The following BTBD8 variants were observed in gnomAD, a reference collection of about 807,000 sequenced individuals.
The protein encoded by BTBD8 is BTB domain containing 8.
BTBD8 carries 110 observed loss-of-function variants against 162.9 expected under a neutral mutation model. The ratio of observed to expected loss-of-function variants is 0.68; its 90% CI spans 0.58 to 0.79. The LOEUF (loss-of-function observed/expected upper bound fraction) is 0.79. Ranked by LOEUF, BTBD8 falls within the 30% of genes least tolerant of loss-of-function variation. The pLI, the probability that BTBD8 is intolerant of heterozygous loss-of-function variation, is 0.00. For missense variants in BTBD8, 1,905 were observed against 2,085.4 expected, an observed-to-expected ratio of 0.91 and a Z score of 1.68; for synonymous variants, 667 against 716.1, an observed-to-expected ratio of 0.93 and a Z score of 1.10.
intron 5 of BTBD8, 77 bp downstream of exon 5, chr1:92,129,853 C>A: frequency 1.7e-6 from 2 of 1,185,592 alleles, no homozygotes; most frequent in Non-Finnish European, 2.5e-6. Context: ...TTTTATGAAT[C>A]TGATTTCCCT....
chr1:92,094,955 A>G (rs1283762456), intron 2 of BTBD8, among the ~76,000 whole-genome samples: 8 of 152,212 alleles, frequency 5.3e-5, no homozygotes, highest in Admixed American at 2.0e-4. Flanking sequence ...CACATCCCTT[A>G]TACTACAAGG....
At chr1:92,142,654 T>C (rs1649805455) in intron 7 of BTBD8, among the ~76,000 whole-genome samples, 1 of 152,160 alleles carries the variant, frequency 6.6e-6, no homozygotes, top group African/African-American at 2.4e-5. Context: ...AGGAGGACCT[T>C]AATGGTTTCA....
intron 13 of BTBD8, among the ~76,000 whole-genome samples, chr1:92,175,601 C>T (rs1282478824): frequency 6.6e-6 from 1 of 151,388 alleles, no homozygotes; most frequent in African/African-American, 2.4e-5. Context: ...TCAAGATCAG[C>T]CTGGGCAACA....
chr1:92,129,772 CA>C lies in BTBD8; in HGVS notation c.750del (p.Gly251ValfsTer2). On this transcript the variant is annotated frameshift_variant, in exon 5 of 18. Transcript: ENST00000636805. LOFTEE classifies it high-confidence loss of function. ...AAGCTCCCAAGAGTACGTTACTCTT[CA>C]AGGGTAAGCATATTTTTACAGGGCC... ...AESSQEYVTL[Q>X]GISHVELNVM... 1 of 1,610,986 alleles carries C rather than the reference CA, an allele frequency of 6.2e-7. No homozygotes were observed. Among genetic ancestry groups the C allele is most frequent in the Non-Finnish European group, 8.5e-7 (1 of 1,177,254 alleles).
intron 13 of BTBD8, among the ~76,000 whole-genome samples, chr1:92,172,820 A>C (rs1650588295): frequency 6.6e-6 from 1 of 152,228 alleles, no homozygotes; most frequent in Admixed American, 6.5e-5. Context: ...GGGAGACTGG[A>C]GTTTTTGCCA....
At chr1:92,097,651 G>T (rs772696112) in intron 2 of BTBD8, among the ~76,000 whole-genome samples, 1 of 152,050 alleles carries the variant, frequency 6.6e-6, no homozygotes, top group African/African-American at 2.4e-5. Context: ...GGCCTTTTAC[G>T]TGTGGCTTTC....
intron 4 of BTBD8, among the ~76,000 whole-genome samples, chr1:92,123,105 C>CT (rs1191864695): frequency 6.6e-6 from 1 of 152,178 alleles, no homozygotes; most frequent in Admixed American, 6.5e-5. Flanking sequence ...ATAAGACTGT[C>CT]TTTTCCCCCA....
At chr1:92,171,562 A>G in intron 13 of BTBD8, 102 bp downstream of exon 13, 2 of 683,406 alleles carry the variant, frequency 2.9e-6, no homozygotes, top group Non-Finnish European at 4.4e-6. Flanking sequence ...CTATTCATTA[A>G]TTGAAGCTAT....
At chr1:92,159,228 A>G (rs748477398) in intron 9 of BTBD8, among the ~76,000 whole-genome samples, 12 of 147,378 alleles carry the variant, frequency 8.1e-5, no homozygotes, top group Non-Finnish European at 1.5e-4. Context: ...GCTGGAGTGC[A>G]GTGGCACAAA....
chr1:92,081,762 C>A (rs184264319), intron 1 of BTBD8, among the ~76,000 whole-genome samples: 1 of 152,088 alleles, frequency 6.6e-6, no homozygotes, highest in Non-Finnish European at 1.5e-5. Flanking sequence ...TTAGTAGAGA[C>A]GGGATTTCAT....
intron 4 of BTBD8, among the ~76,000 whole-genome samples, chr1:92,123,157 T>C (rs1649261177): frequency 6.6e-6 from 1 of 152,332 alleles, no homozygotes; most frequent in South Asian, 2.1e-4. Context: ...ATTGGCCATA[T>C]GTATGTGGAT....
chr1:92,147,654 CT>C, intron 8 of BTBD8, 29 bp from the exon 9 acceptor site: 1 of 1,540,382 alleles, frequency 6.5e-7, no homozygotes, highest in Non-Finnish European at 8.9e-7. Flanking sequence ...ATCTTAATTT[CT>C]TTAACGTGGT....
intron 9 of BTBD8, among the ~76,000 whole-genome samples, chr1:92,160,852 A>C (rs898459406): frequency 6.6e-6 from 1 of 152,066 alleles, no homozygotes; most frequent in Non-Finnish European, 1.5e-5. Context: ...GTGACTACCA[A>C]CCCAAATCAC....
chr1:92,141,428 G>A (rs2100625514), intron 7 of BTBD8, among the ~76,000 whole-genome samples: 1 of 152,302 alleles, frequency 6.6e-6, no homozygotes. Context: ...TGATGGGAGG[G>A]TAGGTATTGA....
At chr1:92,092,812 T>C (rs976997942) in intron 2 of BTBD8, among the ~76,000 whole-genome samples, 1 of 152,216 alleles carries the variant, frequency 6.6e-6, no homozygotes, top group Admixed American at 6.5e-5. Flanking sequence ...TATCTGTCCT[T>C]ATATCCCAGA....
At chr1:92,110,928 C>T (rs1648874759) in intron 4 of BTBD8, among the ~76,000 whole-genome samples, 1 of 150,834 alleles carries the variant, frequency 6.6e-6, no homozygotes. Flanking sequence ...TAATTTGTTG[C>T]ACTTCTATGT....
chr1:92,167,732 T>C (rs1650421627), intron 10 of BTBD8, 116 bp from the exon 11 acceptor site: 1 of 776,748 alleles, frequency 1.3e-6, no homozygotes, highest in African/African-American at 1.8e-5. Context: ...AGGGAAAAAA[T>C]ACGATTTCTG....
At chr1:92,116,813 A>G (rs566096298) in intron 4 of BTBD8, among the ~76,000 whole-genome samples, 1 of 151,482 alleles carries the variant, frequency 6.6e-6, no homozygotes, top group South Asian at 2.1e-4. Flanking sequence ...ACTATTTGTA[A>G]TAATGTAGTT....
intron 12 of BTBD8, 47 bp from the exon 13 acceptor site, chr1:92,171,352 T>C (rs376895862): frequency 7.4e-7 from 1 of 1,353,386 alleles, no homozygotes; most frequent in South Asian, 1.4e-5. Flanking sequence ...ACTTCTAAGG[T>C]AATAATAATG....
Sources: allele counts gnomAD v4.1 joint callset (sites outside exome capture counted in the v4.1 genomes callset), GRCh38; gene constraint gnomAD v4.1.1; transcripts MANE v1.5; gene names NCBI Gene and HGNC (gene_info 2026-07-23, HGNC 2026-07-21).